The following RAB38 variants were observed in gnomAD, a reference collection of about 807,000 sequenced individuals.
RAB38 encodes the protein RAB38, member RAS oncogene family.
In RAB38, 15 loss-of-function variants were observed where a neutral mutation model predicts 18.4. That is an observed-to-expected ratio of 0.82 (90% CI 0.55 to 1.26). RAB38 has a LOEUF of 1.26. RAB38 is among the 50% of genes most tolerant of loss of function. RAB38 has a pLI of 0.00. For missense variants in RAB38, 294 were observed against 267.4 expected, an observed-to-expected ratio of 1.10 and a Z score of -0.69; for synonymous variants, 101 against 104.4, an observed-to-expected ratio of 0.97 and a Z score of 0.20.
chr11:87,834,722 C>T, the RAB38 span, among the ~76,000 whole-genome samples: 4 of 152,154 alleles, frequency 2.6e-5, no homozygotes, highest in Admixed American at 6.6e-5. Context: ...AGCTCATTGA[C>T]AGGTCCTGAG....
At chr11:87,964,913 G>A in the RAB38 span, among the ~76,000 whole-genome samples, 4 of 152,074 alleles carry the variant, frequency 2.6e-5, no homozygotes, top group Middle Eastern at 6.8e-3. Flanking sequence ...CAGCTTTCTC[G>A]CTCACTTGCA....
chr11:87,916,909 A>T, the RAB38 span, among the ~76,000 whole-genome samples: 1 of 152,298 alleles, frequency 6.6e-6, no homozygotes, highest in South Asian at 2.1e-4. Context: ...GCTATTTAAC[A>T]TATGTATTAT....
chr11:88,117,612 A>G (rs958596085), intron 2 of RAB38, among the ~76,000 whole-genome samples: 4 of 152,208 alleles, frequency 2.6e-5, no homozygotes, highest in Admixed American at 2.0e-4. Flanking sequence ...GCTTTTGACT[A>G]TATTTACCAC....
the RAB38 span, among the ~76,000 whole-genome samples, chr11:88,068,580 C>G: frequency 6.6e-6 from 1 of 152,076 alleles, no homozygotes; most frequent in Non-Finnish European, 1.5e-5. Flanking sequence ...TACCATGGCA[C>G]TTTTTACAAT....
chr11:87,978,053 T>TATATA, the RAB38 span, among the ~76,000 whole-genome samples: 3 of 103,892 alleles, frequency 2.9e-5, no homozygotes, highest in East Asian at 3.4e-4. Flanking sequence ...TCTATTTTTA[T>TATATA]CATATATACA....
the RAB38 span, chr11:88,062,087 G>A: frequency 6.6e-6 from 1 of 151,980 alleles, no homozygotes; most frequent in African/African-American, 2.4e-5. Flanking sequence ...AATATTTGAA[G>A]AAATAGATTT....
the RAB38 span, among the ~76,000 whole-genome samples, chr11:87,916,435 G>A: frequency 5.9e-5 from 9 of 152,174 alleles, no homozygotes; most frequent in East Asian, 1.7e-3. Context: ...AAATGGATTA[G>A]TTCCACTGAG....
At chr11:88,127,505 G>A (rs1396436208) in intron 2 of RAB38, among the ~76,000 whole-genome samples, 2 of 152,182 alleles carry the variant, frequency 1.3e-5, no homozygotes, top group East Asian at 1.9e-4. Flanking sequence ...ATAAGTGGGA[G>A]TGGTTAAGAG....
chr11:87,868,608 A>AGAGAGAAG, the RAB38 span, among the ~76,000 whole-genome samples: 12,793 of 102,980 alleles, frequency 0.12, 1,118 homozygotes, highest in East Asian at 0.3. Context: ...AGAGAGAGAG[A>AGAGAGAAG]GAGAGAGAGA....
At chr11:87,963,916 G>C in the RAB38 span, among the ~76,000 whole-genome samples, 3 of 152,106 alleles carry the variant, frequency 2.0e-5, no homozygotes, top group African/African-American at 7.2e-5. Context: ...AAAGTGCTGG[G>C]ATTACAAGCG....
chr11:87,878,856 C>T, the RAB38 span, among the ~76,000 whole-genome samples: 2 of 151,648 alleles, frequency 1.3e-5, no homozygotes, highest in African/African-American at 4.8e-5. Flanking sequence ...AATTTTTATC[C>T]TACCTCATTA....
the RAB38 span, among the ~76,000 whole-genome samples, chr11:87,951,819 C>A: frequency 3.1e-4 from 47 of 152,128 alleles, no homozygotes; most frequent in Non-Finnish European, 6.3e-4. Context: ...TGGGGGGGTG[C>A]CTCCCAGTTA....
chr11:88,053,024 G>GT, the RAB38 span, among the ~76,000 whole-genome samples: 46,928 of 90,446 alleles, frequency 0.52, 13,247 homozygotes, highest in Admixed American at 0.61. Context: ...ACATATATAT[G>GT]GAATATATAT....
the RAB38 span, among the ~76,000 whole-genome samples, chr11:88,008,557 A>G: frequency 6.6e-6 from 1 of 152,248 alleles, no homozygotes; most frequent in Admixed American, 6.5e-5. Context: ...AATGCATGAT[A>G]AAGTTTGAAA....
chr11:87,875,205 G>A, the RAB38 span, among the ~76,000 whole-genome samples: 1 of 151,348 alleles, frequency 6.6e-6, no homozygotes, highest in Non-Finnish European at 1.5e-5. Context: ...AAGTTAAGTG[G>A]TGGATTGGTT....
At chr11:87,937,684 C>T in the RAB38 span, among the ~76,000 whole-genome samples, 1 of 151,844 alleles carries the variant, frequency 6.6e-6, no homozygotes, top group Non-Finnish European at 1.5e-5. Flanking sequence ...AGAATTGATC[C>T]ATTTGGAAAA....
At chr11:88,102,276 T>A in the RAB38 span, among the ~76,000 whole-genome samples, 1 of 152,016 alleles carries the variant, frequency 6.6e-6, no homozygotes, top group East Asian at 1.9e-4. Flanking sequence ...CCTAAAATAT[T>A]CAAGCAGGTA....
At chr11:87,852,793 C>T in the RAB38 span, among the ~76,000 whole-genome samples, 4,418 of 152,176 alleles carry the variant, frequency 0.029, 134 homozygotes, top group African/African-American at 0.076. Context: ...TCTTGCTTTG[C>T]TTCCCTCTCC....
the RAB38 span, among the ~76,000 whole-genome samples, chr11:87,976,269 G>GGT: frequency 3.3e-4 from 45 of 137,048 alleles, no homozygotes; most frequent in African/African-American, 8.3e-4. Flanking sequence ...TGTAAGAGAA[G>GGT]GTGTGTGTAT....
Sources: gnomAD v4.1 joint callset for allele counts (sites outside exome capture counted in the v4.1 genomes callset) on GRCh38, gnomAD v4.1.1 for gene constraint, MANE v1.5 for transcripts, NCBI Gene and HGNC (gene_info 2026-07-23, HGNC 2026-07-21) for gene names.